TRPC7: variants seen among roughly 807,000 people sequenced by gnomAD.
The protein encoded by TRPC7 is short transient receptor potential channel 7.
A neutral mutation model predicts 90.1 loss-of-function variants in TRPC7; 42 were observed. The ratio of observed to expected loss-of-function variants is 0.47; its 90% CI spans 0.36 to 0.60. The LOEUF (loss-of-function observed/expected upper bound fraction) is 0.60, where lower values mean the gene tolerates loss of function less well. Ranked by LOEUF, TRPC7 falls within the 20% of genes least tolerant of loss-of-function variation. The probability of loss-of-function intolerance (pLI) is 0.00; values close to 1 mark genes in which losing one functional copy is unlikely to be tolerated. For missense variants in TRPC7, 955 were observed against 1,112.3 expected (o/e 0.86, Z 2.01); for synonymous variants, 451 against 436.3 (o/e 1.03, Z -0.42).
intron 4 of TRPC7, among the ~76,000 whole-genome samples, chr5:136,268,416 C>T (rs1580881780): frequency 6.6e-6 from 1 of 152,176 alleles, no homozygotes; most frequent in Non-Finnish European, 1.5e-5. Context: ...AGCTGGGGAA[C>T]TCTGAGATAG....
In TRPC7 at chr5:136,212,894, AAAC is replaced by A. The variant is rs1755138027; in HGVS notation, c.*538_*540del. 1.3e-5 allele frequency among the ~76,000 whole-genome samples: 2 copies of A among 152,196 alleles called. No individual in the cohort carries two copies. The highest frequency in any genetic ancestry group is 4.8e-5 in the African/African-American group (2 of 41,434). On this transcript the variant is annotated 3_prime_UTR_variant, in exon 12 of 12. Transcript: ENST00000513104. ...GTACAGTTTTCAATTTAGGATTTTT[AAAC>A]TTTTTTTTTATATAAACAAATAGAA...
At chr5:136,233,455 C>A (rs1049882551) in intron 7 of TRPC7, among the ~76,000 whole-genome samples, 2 of 152,156 alleles carry the variant, frequency 1.3e-5, no homozygotes, top group Non-Finnish European at 2.9e-5. Context: ...AACAATCTTT[C>A]AGTTATCACA....
At chr5:136,317,312 T>C (rs1436299464) in intron 2 of TRPC7, among the ~76,000 whole-genome samples, 1 of 152,184 alleles carries the variant, frequency 6.6e-6, no homozygotes, top group Middle Eastern at 3.2e-3. Context: ...CATCTGCCAT[T>C]CACTCATTCA....
intron 9 of TRPC7, among the ~76,000 whole-genome samples, chr5:136,225,692 A>C (rs995783287): frequency 6.6e-6 from 1 of 152,176 alleles, no homozygotes; most frequent in African/African-American, 2.4e-5. Context: ...CCTTTTTCTC[A>C]GAGATCATTT....
At chr5:136,219,938 G>T (rs1755399127) in intron 10 of TRPC7, among the ~76,000 whole-genome samples, 1 of 152,222 alleles carries the variant, frequency 6.6e-6, no homozygotes, top group African/African-American at 2.4e-5. Context: ...TATTGTTGCG[G>T]GAAGTCAGGG....
chr5:136,214,991 G>A lies in TRPC7; in HGVS notation c.2419+1209C>T, dbSNP rs7733063. 2.4e-3 allele frequency among the ~76,000 whole-genome samples: 367 copies of A among 152,284 alleles called. 1 individual carries two copies. The highest frequency in any genetic ancestry group is 8.5e-3 in the African/African-American group (352 of 41,572). On this transcript the variant is annotated intron_variant, in intron 11 of 11. Transcript: ENST00000513104. ...AAAATAATATAGTTGGTAAACTTCA[G>A]TGTATATCAGAGACCCTTGGTGCAG...
intron 3 of TRPC7, among the ~76,000 whole-genome samples, chr5:136,297,631 T>C (rs1175649219): frequency 6.6e-6 from 1 of 152,176 alleles, no homozygotes; most frequent in Non-Finnish European, 1.5e-5. Context: ...TCAGATGCAA[T>C]TTGGAGACCA....
At chr5:136,295,661 T>A (rs1175832584) in intron 3 of TRPC7, among the ~76,000 whole-genome samples, 2 of 152,120 alleles carry the variant, frequency 1.3e-5, no homozygotes, top group East Asian at 3.9e-4. Context: ...CCCTCCCTCA[T>A]CTAAATCAAA....
chr5:136,357,369 A>T lies in TRPC7; in HGVS notation c.19T>A (p.Phe7Ile), dbSNP rs757370286. The T allele has an allele frequency of 6.3e-7, 1 of 1,598,936 alleles. No individual in the cohort carries two copies. The highest frequency in any genetic ancestry group is 8.5e-7 in the Non-Finnish European group (1 of 1,178,834). Reference sequence around the variant, plus strand: ...GTGTGCCGGCGCTGCATGTTTTTGAAGGTGCTGTTCCTCAACCTATGGGAC... The same window carrying T: ...GTGTGCCGGCGCTGCATGTTTTTGATGGTGCTGTTCCTCAACCTATGGGAC... Reference protein sequence around the residue: MLRNSTFKNMQRRHTTL... With the variant: MLRNSTIKNMQRRHTTL... The change falls in exon 2 of 12, where the codon TTC (phenylalanine) becomes ATC (isoleucine). Residue 7 changes from phenylalanine (F) to isoleucine (I), a missense_variant. Around this residue, in one of 4 missense-constraint regions of TRPC7, gnomAD observed 161 missense variants for 145.7 expected, o/e 1.10. Transcript: ENST00000513104.
chr5:136,244,347 G>A (rs1756268662), intron 7 of TRPC7, among the ~76,000 whole-genome samples: 1 of 152,080 alleles, frequency 6.6e-6, no homozygotes, highest in Non-Finnish European at 1.5e-5. Flanking sequence ...ATTTTTCTGT[G>A]TGTCATGGCA....
chr5:136,217,464 A>G (rs1386315098), intron 10 of TRPC7, among the ~76,000 whole-genome samples: 1 of 152,166 alleles, frequency 6.6e-6, no homozygotes, highest in Non-Finnish European at 1.5e-5. Context: ...CTGAACCCGA[A>G]AGGCTCTCTA....
intron 4 of TRPC7, among the ~76,000 whole-genome samples, chr5:136,269,435 A>G (rs1190497334): frequency 6.6e-6 from 1 of 152,212 alleles, no homozygotes; most frequent in African/African-American, 2.4e-5. Flanking sequence ...CTGGGCTCTT[A>G]GCCCCCACAA....
chr5:136,251,559 T>C lies in TRPC7; in HGVS notation c.1579+90A>G, dbSNP rs561627329. On this transcript the variant is annotated intron_variant, in intron 6 of 11. Coordinates refer to ENST00000513104, the MANE Select transcript of TRPC7 (RefSeq NM_020389.3). The stretch of plus-strand genomic sequence containing the variant: ...AAATCATGGGCCACTTGATTACAAA[T>C]AGCGTTACAAGTTCACCAGCCACAG... 27 of 1,050,438 alleles carry C rather than the reference T, an allele frequency of 2.6e-5. No homozygotes were observed. The East Asian group carries it at 3.9e-4, about 15-fold the overall frequency. The allele number at this position is 1,050,438 out of a possible 1,614,324, so 65.1% of individuals were successfully genotyped here. A position where few individuals can be genotyped will look rare whatever the true frequency, so the allele number is the denominator to read the frequency against.
chr5:136,294,343 T>C (rs1444278423), intron 3 of TRPC7, among the ~76,000 whole-genome samples: 3 of 151,886 alleles, frequency 2.0e-5, no homozygotes, highest in African/African-American at 7.3e-5. Context: ...ACCATCAGAG[T>C]GAACAGGCAA....
intron 10 of TRPC7, among the ~76,000 whole-genome samples, chr5:136,222,545 A>C (rs1755495633): frequency 1.3e-5 from 2 of 152,178 alleles, no homozygotes; most frequent in Admixed American, 1.3e-4. Context: ...TGGTAGGCCC[A>C]AGGAAAGAGA....
At chr5:136,293,425 A>T (rs1457752657) in intron 3 of TRPC7, among the ~76,000 whole-genome samples, 1 of 152,254 alleles carries the variant, frequency 6.6e-6, no homozygotes, top group Non-Finnish European at 1.5e-5. Context: ...TTAAGCTGAT[A>T]AGCAACTTCA....
In TRPC7 at chr5:136,274,656, C is replaced by T. The variant is rs1001945847; in HGVS notation, c.1128+17G>A. 2.5e-6 allele frequency: 4 copies of T among 1,598,858 alleles called. No individual in the cohort carries two copies. The highest frequency in any genetic ancestry group is 1.8e-5 in the Admixed American group (1 of 56,942). ...AAGAAATAACCGCAAACGACATGCA[C>T]CTTAAGCAGTCTGTACCTTGCTGCA... On this transcript the variant is annotated intron_variant, in intron 4 of 11. Transcript: ENST00000513104.
chr5:136,353,186 G>A (rs564146207), intron 2 of TRPC7, among the ~76,000 whole-genome samples: 1 of 152,306 alleles, frequency 6.6e-6, no homozygotes, highest in East Asian at 1.9e-4. Flanking sequence ...TTGCTAGCGG[G>A]CATCTAACTC....
intron 1 of TRPC7, among the ~76,000 whole-genome samples, chr5:136,362,950 A>G (rs1006225678): frequency 6.6e-6 from 1 of 152,162 alleles, no homozygotes; most frequent in Non-Finnish European, 1.5e-5. Context: ...TGGGTTGATC[A>G]TTTAAGAAGA....
Sources: allele counts gnomAD v4.1 joint callset (sites outside exome capture counted in the v4.1 genomes callset), GRCh38; gene constraint gnomAD v4.1.1; regional missense constraint gnomAD v4.1.1; transcripts MANE v1.5; gene names NCBI Gene and HGNC (gene_info 2026-07-23, HGNC 2026-07-21).